VAV3: variants seen among roughly 807,000 people sequenced by gnomAD.
VAV3 encodes the protein guanine nucleotide exchange factor VAV3.
In VAV3, 94 loss-of-function variants were observed where a neutral mutation model predicts 131.2. The observed-to-expected ratio is 0.72, with a 90% CI of 0.61 to 0.85. The LOEUF (loss-of-function observed/expected upper bound fraction) is 0.85, where lower values mean the gene tolerates loss of function less well. VAV3 is among the 40% of genes least tolerant of loss of function. The pLI, the probability that VAV3 is intolerant of heterozygous loss-of-function variation, is 0.00. For synonymous variants in VAV3, 349 were observed against 342.0 expected (o/e 1.02, Z -0.22); for missense variants, 939 against 1,002.7 (o/e 0.94, Z 0.86).
At chr1:107,692,519 C>T (rs142481832) in intron 17 of VAV3, among the ~76,000 whole-genome samples, 37 of 152,168 alleles carry the variant, frequency 2.4e-4, no homozygotes, top group African/African-American at 6.5e-4. Flanking sequence ...CTTCAGCTCA[C>T]GTAAAAGTAC....
intron 2 of VAV3, among the ~76,000 whole-genome samples, chr1:107,818,721 A>G (rs1164821273): frequency 2.0e-5 from 3 of 152,196 alleles, no homozygotes; most frequent in Non-Finnish European, 4.4e-5. Context: ...GACTATATAC[A>G]TAAGTAGTAA....
chr1:107,716,069 G>A (rs1241161990), intron 15 of VAV3, among the ~76,000 whole-genome samples: 6 of 152,140 alleles, frequency 3.9e-5, no homozygotes. Context: ...AAATGATTAT[G>A]TACAAAAAAG....
At chr1:107,804,563 G>A (rs1274661838) in intron 2 of VAV3, among the ~76,000 whole-genome samples, 1 of 152,040 alleles carries the variant, frequency 6.6e-6, no homozygotes, top group Non-Finnish European at 1.5e-5. Context: ...CCACATTTTT[G>A]TTTTCTCAAT....
Position 107,766,488 on chromosome 1 carries a change from A to C in VAV3, c.780T>G (p.Asn260Lys). 2 of 1,613,540 alleles carry C rather than the reference A, an allele frequency of 1.2e-6. No individual in the cohort carries two copies. Among genetic ancestry groups the C allele is most frequent in the Non-Finnish European group, 1.7e-6 (2 of 1,179,728 alleles). The change falls in exon 8 of 27, where the codon AAT becomes AAG. Residue 260 changes from asparagine to lysine, a missense_variant. Asn to Lys is a moderately conservative substitution (Grantham distance 94, BLOSUM62 0). Coordinates refer to ENST00000370056, the MANE Select transcript of VAV3 (RefSeq NM_006113.5). ...QEIHDSIVNK[N>K]DQNLYQVFIN... ...TAAAAACTTGGTACAAGTTCTGGTC[A>C]TTTTTATTTACAATGGAATCATGAA...
At chr1:107,753,493 T>TACACACACATATATACAC (rs1553201223) in intron 12 of VAV3, among the ~76,000 whole-genome samples, 1 of 111,610 alleles carries the variant, frequency 9.0e-6, no homozygotes, top group African/African-American at 3.4e-5. Flanking sequence ...TGTATATATA[T>TACACACACATATATACAC]ACACACATAT....
At chr1:107,810,708 A>T (rs1417788301) in intron 2 of VAV3, among the ~76,000 whole-genome samples, 1 of 152,132 alleles carries the variant, frequency 6.6e-6, no homozygotes, top group African/African-American at 2.4e-5. Flanking sequence ...AAGCATAATC[A>T]CCCAATAGGT....
At chr1:107,701,054 A>C (rs547199462) in intron 17 of VAV3, among the ~76,000 whole-genome samples, 2,485 of 117,054 alleles carry the variant, frequency 0.021, 78 homozygotes, top group African/African-American at 0.065. Flanking sequence ...ATGATCAGTC[A>C]TGTTGAGCTT....
At chr1:107,939,651 C>T (rs1195398386) in intron 1 of VAV3, among the ~76,000 whole-genome samples, 1 of 152,128 alleles carries the variant, frequency 6.6e-6, no homozygotes, top group African/African-American at 2.4e-5. Context: ...ATAACCCCAT[C>T]TAAGTCATGG....
At chr1:107,946,053 G>A (rs1244984596) in intron 1 of VAV3, among the ~76,000 whole-genome samples, 1 of 152,028 alleles carries the variant, frequency 6.6e-6, no homozygotes, top group African/African-American at 2.4e-5. Context: ...TCCAAGCATG[G>A]GGAAGCATTC....
chr1:107,670,188 T>C (rs559718355), intron 19 of VAV3, among the ~76,000 whole-genome samples: 1 of 152,348 alleles, frequency 6.6e-6, no homozygotes, highest in Admixed American at 6.5e-5. Flanking sequence ...TACTGCTTCC[T>C]ACCAGTAAGA....
chr1:107,831,432 A>G (rs776175504), intron 2 of VAV3, among the ~76,000 whole-genome samples: 1 of 152,224 alleles, frequency 6.6e-6, no homozygotes, highest in Non-Finnish European at 1.5e-5. Flanking sequence ...TTACAGGCAA[A>G]TTCAAATAAG....
chr1:107,575,123 G>A (rs1174040653), intron 25 of VAV3, among the ~76,000 whole-genome samples: 1 of 152,070 alleles, frequency 6.6e-6, no homozygotes, highest in East Asian at 1.9e-4. Flanking sequence ...GTTCATGTTT[G>A]TTAGTCTCTA....
At chr1:107,635,915 A>G (rs1654898383) in intron 20 of VAV3, among the ~76,000 whole-genome samples, 1 of 152,212 alleles carries the variant, frequency 6.6e-6, no homozygotes, top group African/African-American at 2.4e-5. Flanking sequence ...AGACTATTCA[A>G]CCTCACAGTG....
chr1:107,756,654 A>G (rs564864809), intron 11 of VAV3, among the ~76,000 whole-genome samples: 28 of 151,528 alleles, frequency 1.8e-4, no homozygotes, highest in African/African-American at 6.3e-4. Context: ...TATTTAACAT[A>G]ATGTGGAAAC....
intron 1 of VAV3, among the ~76,000 whole-genome samples, chr1:107,955,122 C>G (rs888681696): frequency 2.0e-5 from 3 of 152,112 alleles, no homozygotes; most frequent in African/African-American, 7.2e-5. Context: ...ATTCAGCTAG[C>G]CCTCACAAGA....
At chr1:107,836,506 C>A (rs1435511158) in intron 2 of VAV3, among the ~76,000 whole-genome samples, 1 of 152,074 alleles carries the variant, frequency 6.6e-6, no homozygotes, top group Non-Finnish European at 1.5e-5. Flanking sequence ...TAACACTGCA[C>A]CTACAGGAAC....
At chr1:107,818,926 CA>C (rs2102353225) in intron 2 of VAV3, among the ~76,000 whole-genome samples, 1 of 152,228 alleles carries the variant, frequency 6.6e-6, no homozygotes, top group Non-Finnish European at 1.5e-5. Context: ...TCTTGATTCT[CA>C]TAGTCAAAAT....
At position 107,696,579 on chromosome 1, in the gene VAV3, A is replaced by G. The variant is rs890730434; in HGVS notation, c.1705+7971T>C. On this transcript the variant is annotated intron_variant, in intron 17 of 26. Transcript: ENST00000370056. Reference sequence around the variant, plus strand: ...TCAGGATCTCTTTTTGTTGCTTGAGAGTATAGTTAGACTATGTTAAACATT... The same window carrying G: ...TCAGGATCTCTTTTTGTTGCTTGAGGGTATAGTTAGACTATGTTAAACATT... Among the ~76,000 whole-genome samples the G allele has an allele frequency of 2.0e-5, 3 of 152,160 alleles. No homozygotes were observed. The East Asian group carries it at 5.8e-4, about 29-fold the overall frequency.
At chr1:107,686,240 G>A (rs1051376100) in intron 18 of VAV3, among the ~76,000 whole-genome samples, 3 of 152,066 alleles carry the variant, frequency 2.0e-5, no homozygotes, top group African/African-American at 4.8e-5. Flanking sequence ...GAGATGTACA[G>A]CCCAGGTATG....
Sources: gnomAD v4.1 joint callset for allele counts (sites outside exome capture counted in the v4.1 genomes callset) on GRCh38, gnomAD v4.1.1 for gene constraint, MANE v1.5 for transcripts, NCBI Gene and HGNC (gene_info 2026-07-23, HGNC 2026-07-21) for gene names.